The following PARP4 variants were observed in gnomAD, a reference collection of about 807,000 sequenced individuals.
PARP4 encodes poly(ADP-ribose) polymerase family member 4.
Under a neutral mutation model 187.7 loss-of-function variants are expected in PARP4, and 120 were observed. That is an observed-to-expected ratio of 0.64 (90% CI 0.55 to 0.74). PARP4 has a LOEUF of 0.74. Among genes scored for constraint, PARP4 ranks in the 30% least tolerant of loss-of-function variants. The probability of loss-of-function intolerance (pLI) is 0.00; values close to 1 mark genes in which losing one functional copy is unlikely to be tolerated. For synonymous variants in PARP4, 654 were observed against 740.9 expected (o/e 0.88, Z 1.90); for missense variants, 1,836 against 2,070.5 (o/e 0.89, Z 2.20).
chr13:24,473,079 C>T (rs1296697881), intron 15 of PARP4, among the ~76,000 whole-genome samples: 1 of 151,954 alleles, frequency 6.6e-6, no homozygotes, highest in Non-Finnish European at 1.5e-5. Context: ...TACAGGTGTA[C>T]GCCACTGCGC....
At chr13:24,451,528 G>T (rs2137468765) in intron 24 of PARP4, among the ~76,000 whole-genome samples, 1 of 152,262 alleles carries the variant, frequency 6.6e-6, no homozygotes, top group Middle Eastern at 3.4e-3. Flanking sequence ...GGCATTGGGG[G>T]TGCTGGCTCC....
chr13:24,477,603 T>C (rs1022268261), intron 14 of PARP4, 98 bp downstream of exon 14: 12 of 749,408 alleles, frequency 1.6e-5, no homozygotes, highest in Admixed American at 8.0e-5. Context: ...GATGAGGTCA[T>C]AGATATAACA....
intron 14 of PARP4, among the ~76,000 whole-genome samples, chr13:24,476,863 A>G (rs1873012081): frequency 6.6e-6 from 1 of 152,168 alleles, no homozygotes; most frequent in South Asian, 2.1e-4. Flanking sequence ...CAGTGCCTTC[A>G]ATTTCCCCTT....
chr13:24,443,136 G>A (rs1871029021), intron 28 of PARP4, among the ~76,000 whole-genome samples: 1 of 149,352 alleles, frequency 6.7e-6, no homozygotes, highest in Admixed American at 6.7e-5. Flanking sequence ...GGATGGCATT[G>A]AGGACTAACG....
chr13:24,450,541 G>C (rs1211501786), intron 24 of PARP4, among the ~76,000 whole-genome samples: 1 of 152,110 alleles, frequency 6.6e-6, no homozygotes, highest in South Asian at 2.1e-4. Flanking sequence ...CCCTAACATG[G>C]GTTATTGGTA....
intron 21 of PARP4, among the ~76,000 whole-genome samples, chr13:24,455,560 C>T (rs150245401): frequency 2.8e-5 from 4 of 143,310 alleles, no homozygotes; most frequent in African/African-American, 7.7e-5. Flanking sequence ...AATACACACA[C>T]ATACCTTTTG....
At chr13:24,472,343 C>T (rs773225350) in intron 15 of PARP4, among the ~76,000 whole-genome samples, 15 of 152,136 alleles carry the variant, frequency 9.9e-5, no homozygotes, top group Non-Finnish European at 1.6e-4. Context: ...AAGTCTATGA[C>T]GTTGCTCTGA....
At chr13:24,443,538 C>T (rs1350632074) in intron 28 of PARP4, 112 bp downstream of exon 28, 3 of 711,150 alleles carry the variant, frequency 4.2e-6, no homozygotes, top group Non-Finnish European at 7.4e-6. Context: ...AATGCCCTGA[C>T]ACCAGTCTCC....
intron 6 of PARP4, 115 bp downstream of exon 6, chr13:24,498,001 A>G: frequency 1.6e-6 from 1 of 636,930 alleles, no homozygotes; most frequent in South Asian, 2.2e-5. Flanking sequence ...TATTAATAGC[A>G]GCCTGAGCTA....
At chr13:24,459,351 T>A in intron 18 of PARP4, 41 bp from the exon 19 acceptor site, 1 of 1,475,318 alleles carries the variant, frequency 6.8e-7, no homozygotes, top group Non-Finnish European at 9.2e-7. Flanking sequence ...AAGCATATAT[T>A]AAGTTTCACA....
In PARP4 at chr13:24,493,631, G is replaced by C; in HGVS notation, c.844C>G (p.Leu282Val). ...AEALGHLEHM[L>V]LKPVNRISLN... ...CTAATCCTGTTCACTGGCTTGAGAA[G>C]CATGTGTTCCAGGTGGCCCAGGGCC... The change falls in exon 8 of 34, where the codon CTT becomes GTT. Residue 282 changes from leucine to valine, a missense_variant. Transcript: ENST00000381989. The C allele has an allele frequency of 6.2e-7, 1 of 1,613,894 alleles. No homozygotes were observed. Among genetic ancestry groups the C allele is most frequent in the South Asian group, 1.1e-5 (1 of 91,054 alleles).
chr13:24,466,796 C>CAAAAAAAAAAAAAAAAAA (rs34197201), intron 17 of PARP4, among the ~76,000 whole-genome samples: 1 of 90,854 alleles, frequency 1.1e-5, no homozygotes, highest in African/African-American at 4.7e-5. Context: ...GACTCTGTCT[C>CAAAAAAAAAAAAAAAAAA]AAAAAAAAAA....
At chr13:24,469,736 C>A (rs1872649312) in intron 16 of PARP4, among the ~76,000 whole-genome samples, 158 bp downstream of exon 16, 1 of 152,172 alleles carries the variant, frequency 6.6e-6, no homozygotes, top group Non-Finnish European at 1.5e-5. Context: ...TTGAGGGAGG[C>A]TCACTGCGCA....
intron 20 of PARP4, among the ~76,000 whole-genome samples, chr13:24,457,770 C>CAAAAAAAAAAAAAAAA (rs33930012): frequency 2.5e-4 from 21 of 85,646 alleles, no homozygotes; most frequent in African/African-American, 4.5e-4. Flanking sequence ...GACTCTGTCT[C>CAAAAAAAAAAAAAAAA]AAAAAAAAAA....
intron 11 of PARP4, among the ~76,000 whole-genome samples, chr13:24,485,128 A>G (rs1286516236): frequency 2.0e-5 from 3 of 152,178 alleles, no homozygotes; most frequent in Admixed American, 2.0e-4. Context: ...GAAATGAGGT[A>G]AAGGTCCAAC....
In PARP4 at chr13:24,493,680, A is replaced by G; in HGVS notation, c.795T>C (p.Asp265=). ...NSSTLSQEVS[D]LVEMIWAEAL... Reference sequence around the variant, plus strand: ...CCTCTGCCCAAATCATCTCTACTAAATCGCTCACCTCTTGGCTCAGAGTGC... The same window carrying G: ...CCTCTGCCCAAATCATCTCTACTAAGTCGCTCACCTCTTGGCTCAGAGTGC... The change falls in exon 8 of 34, where the codon GAT becomes GAC. Residue 265 remains aspartate, a synonymous_variant. Transcript: ENST00000381989. 2.5e-6 allele frequency: 4 copies of G among 1,613,966 alleles called. No individual in the cohort carries two copies. Among genetic ancestry groups the G allele is most frequent in the Non-Finnish European group, 2.5e-6 (3 of 1,179,932 alleles).
At chr13:24,463,380 TAAAGA>T (rs1489657511) in intron 17 of PARP4, among the ~76,000 whole-genome samples, 154 of 151,842 alleles carry the variant, frequency 1.0e-3, no homozygotes, top group African/African-American at 3.6e-3. Flanking sequence ...AAAAAGAAAA[TAAAGA>T]AAACTCTTCA....
chr13:24,427,116 G>C (rs779375594), intron 32 of PARP4, among the ~76,000 whole-genome samples: 1 of 151,950 alleles, frequency 6.6e-6, no homozygotes, highest in Non-Finnish European at 1.5e-5. Flanking sequence ...TAACCAAAGA[G>C]CCATGAAGTT....
In PARP4 at chr13:24,501,669, T is replaced by C; in HGVS notation, c.298A>G (p.Ile100Val). Residue 100 changes from isoleucine (I) to valine (V), a missense_variant, in exon 3 of 34, where the codon ATC becomes GTC. Physicochemically the swap from Ile to Val is conservative, Grantham distance 29. Coordinates refer to ENST00000381989, the MANE Select transcript of PARP4 (RefSeq NM_006437.4). Reference sequence around the variant, plus strand: ...GCCTTCTGATCAGGAGGTGGTGTGATGTCCAGGGGCTTATAAGGATCATAA... The same window carrying C: ...GCCTTCTGATCAGGAGGTGGTGTGACGTCCAGGGGCTTATAAGGATCATAA... ...KNYDPYKPLD[I>V]TPPPDQKASS... The C allele has an allele frequency of 1.2e-6, 2 of 1,613,610 alleles. No homozygotes were observed. The highest frequency in any genetic ancestry group is 1.7e-6 in the Non-Finnish European group (2 of 1,179,550).
Sources: gnomAD v4.1 joint callset for allele counts (sites outside exome capture counted in the v4.1 genomes callset) on GRCh38, gnomAD v4.1.1 for gene constraint, MANE v1.5 for transcripts, NCBI Gene and HGNC (gene_info 2026-07-23, HGNC 2026-07-21) for gene names.